The following PHF24 variants were observed in gnomAD, a reference collection of about 807,000 sequenced individuals.
The protein encoded by PHF24 is Galpha inhibitory interacting protein.
In PHF24, 25 loss-of-function variants were observed where a neutral mutation model predicts 42.6. The ratio of observed to expected loss-of-function variants is 0.59; its 90% confidence interval spans 0.43 to 0.82. The LOEUF (loss-of-function observed/expected upper bound fraction) is 0.82. Ranked by LOEUF, PHF24 falls within the 40% of genes least tolerant of loss-of-function variation. The pLI, the probability that PHF24 is intolerant of heterozygous loss-of-function variation, is 0.00. For missense variants in PHF24, 470 were observed against 538.1 expected (o/e 0.87, Z 1.25); for synonymous variants, 185 against 204.8 (o/e 0.90, Z 0.83).
chr9:34,871,161 T>C, the PHF24 span, among the ~76,000 whole-genome samples: 2 of 152,218 alleles, frequency 1.3e-5, no homozygotes, highest in Non-Finnish European at 2.9e-5. Flanking sequence ...TAATCTTGTC[T>C]TGTTGTTTTA....
At chr9:34,816,018 A>C in the PHF24 span, among the ~76,000 whole-genome samples, 1 of 152,194 alleles carries the variant, frequency 6.6e-6, no homozygotes, top group South Asian at 2.1e-4. Context: ...GACATAAAAA[A>C]TGAGGGGGTT....
the PHF24 span, among the ~76,000 whole-genome samples, chr9:34,867,683 C>T: frequency 5.9e-5 from 9 of 152,176 alleles, no homozygotes; most frequent in African/African-American, 2.2e-4. Flanking sequence ...GAACAGTGAG[C>T]TCAGGATTTG....
chr9:34,900,081 C>T, the PHF24 span, among the ~76,000 whole-genome samples: 10 of 152,148 alleles, frequency 6.6e-5, no homozygotes, highest in Admixed American at 3.3e-4. Context: ...GCATTGACTC[C>T]ACTTATGGAC....
the PHF24 span, among the ~76,000 whole-genome samples, chr9:34,707,589 G>A: frequency 6.6e-6 from 1 of 152,192 alleles, no homozygotes; most frequent in Non-Finnish European, 1.5e-5. Context: ...TGCAAGAGGA[G>A]CAGACAAGCC....
the PHF24 span, among the ~76,000 whole-genome samples, chr9:34,704,021 G>A: frequency 2.7e-5 from 4 of 147,220 alleles, 1 homozygote; most frequent in Non-Finnish European, 6.0e-5. Flanking sequence ...CCTGGCCTGA[G>A]ATCTATTAGC....
At chr9:34,867,004 A>G in the PHF24 span, among the ~76,000 whole-genome samples, 1 of 152,216 alleles carries the variant, frequency 6.6e-6, no homozygotes. Flanking sequence ...AGGCATGAGG[A>G]AAGTCCTGCT....
the PHF24 span, among the ~76,000 whole-genome samples, chr9:34,928,956 G>A: frequency 1.6e-4 from 25 of 152,026 alleles, no homozygotes; most frequent in Non-Finnish European, 2.8e-4. Flanking sequence ...CTTTTGAATC[G>A]CTTCTAGATA....
chr9:34,748,854 T>C, the PHF24 span, among the ~76,000 whole-genome samples: 308 of 151,920 alleles, frequency 2.0e-3, 1 homozygote, highest in African/African-American at 6.9e-3. Flanking sequence ...ACCAAATGAA[T>C]GAAATAAGGC....
chr9:34,856,636 G>A, the PHF24 span, among the ~76,000 whole-genome samples: 1 of 152,206 alleles, frequency 6.6e-6, no homozygotes, highest in Non-Finnish European at 1.5e-5. Flanking sequence ...AGCAAAGATG[G>A]CAGCCTGCTT....
the PHF24 span, among the ~76,000 whole-genome samples, chr9:34,707,842 C>T: frequency 2.0e-5 from 3 of 152,152 alleles, no homozygotes; most frequent in Non-Finnish European, 4.4e-5. Context: ...AGTGATTCTC[C>T]TTCCTCAGCC....
At chr9:34,765,504 C>A in the PHF24 span, among the ~76,000 whole-genome samples, 1 of 149,876 alleles carries the variant, frequency 6.7e-6, no homozygotes. Context: ...TCTGTTTTAT[C>A]AGAGACTAGG....
intron 2 of PHF24, 58 bp downstream of exon 2, chr9:34,971,734 G>A (rs1276661963): frequency 7.9e-6 from 12 of 1,524,580 alleles, no homozygotes; most frequent in East Asian, 4.5e-5. Flanking sequence ...AGCAGGACAG[G>A]GAAGATGGAT....
At chr9:34,853,849 A>C in the PHF24 span, among the ~76,000 whole-genome samples, 1 of 151,664 alleles carries the variant, frequency 6.6e-6, no homozygotes, top group African/African-American at 2.4e-5. Context: ...AAAAAAAAGA[A>C]ATGGCACCAG....
At chr9:34,937,977 A>G in the PHF24 span, among the ~76,000 whole-genome samples, 251 of 152,350 alleles carry the variant, frequency 1.6e-3, no homozygotes, top group African/African-American at 5.1e-3. Flanking sequence ...TTGAAGGAAC[A>G]GTGTTTTCTT....
chr9:34,703,805 G>A, the PHF24 span, among the ~76,000 whole-genome samples: 4 of 151,652 alleles, frequency 2.6e-5, no homozygotes, highest in Admixed American at 6.6e-5. Context: ...GGCTTAAGCC[G>A]TTCTCCTACC....
chr9:34,958,231 GCCGC>G (rs1826449783), upstream of PHF24: 2 of 93,064 alleles, frequency 2.1e-5, no homozygotes, highest in East Asian at 2.1e-4. The surrounding 1 kb of genome is among the most constrained non-coding windows in gnomAD (Gnocchi z 4.5). Flanking sequence ...CGCGCGCGCC[GCCGC>G]CGCCGCCGCC....
At chr9:34,806,990 G>A in the PHF24 span, among the ~76,000 whole-genome samples, 1 of 151,956 alleles carries the variant, frequency 6.6e-6, no homozygotes, top group Non-Finnish European at 1.5e-5. Flanking sequence ...CATATCATCT[G>A]CAGATAGTTT....
chr9:34,826,392 C>T, the PHF24 span, among the ~76,000 whole-genome samples: 1 of 152,180 alleles, frequency 6.6e-6, no homozygotes, highest in Non-Finnish European at 1.5e-5. Flanking sequence ...CTGGCCTAGA[C>T]CATGGGCTCC....
intron 5 of PHF24, 53 bp downstream of exon 5, chr9:34,976,793 G>A: frequency 2.0e-6 from 3 of 1,522,456 alleles, no homozygotes; most frequent in Non-Finnish European, 2.7e-6. Context: ...CAAGGGCCTG[G>A]GAGGCACGCT....
Sources: gnomAD v4.1 joint callset for allele counts (sites outside exome capture counted in the v4.1 genomes callset) on GRCh38, gnomAD v4.1.1 for gene constraint, Gnocchi (gnomAD v3.1) non-coding constraint, MANE v1.5 for transcripts, NCBI Gene and HGNC (gene_info 2026-07-23, HGNC 2026-07-21) for gene names.